Variants in MORC1 observed in about 807,000 individuals in gnomAD.
The protein encoded by MORC1 is MORC family CW-type zinc finger protein 1.
A neutral mutation model predicts 134.9 loss-of-function variants in MORC1; 59 were observed. The ratio of observed to expected loss-of-function variants is 0.44; its 90% CI spans 0.35 to 0.54. The LOEUF (loss-of-function observed/expected upper bound fraction) is 0.54. Ranked by LOEUF, MORC1 falls within the 20% of genes least tolerant of loss-of-function variation. The probability of loss-of-function intolerance (pLI) is 0.00; values close to 1 mark genes in which losing one functional copy is unlikely to be tolerated. For synonymous variants in MORC1, 395 were observed against 391.7 expected (o/e 1.01, Z -0.10); for missense variants, 947 against 1,134.5 (o/e 0.83, Z 2.37).
At position 109,095,035 on chromosome 3, in the gene MORC1, T is replaced by C. The variant is rs35282274; in HGVS notation, c.457A>G (p.Thr153Ala). The C allele has an allele frequency of 1.3e-6, 2 of 1,592,092 alleles. No individual in the cohort carries two copies. The highest frequency in any genetic ancestry group is 2.3e-5 in the East Asian group (1 of 44,084). Residue 153 changes from threonine to alanine, a missense_variant, in exon 7 of 28, where the codon ACC (threonine) becomes GCC (alanine). Coordinates refer to ENST00000232603, the MANE Select transcript of MORC1 (RefSeq NM_014429.4). ...GGATCATCTGTGACAGATTCTCTGG[T>C]TCTTATTAACCATGAGGGCATTGGA... ...VVPMPSWLIR[T>A]RESVTDDPQK...
chr3:109,110,900 AT>A, intron 2 of MORC1, 117 bp from the exon 3 acceptor site: 1 of 702,224 alleles, frequency 1.4e-6, no homozygotes, highest in Non-Finnish European at 2.3e-6. Flanking sequence ...TTCAAAATCA[AT>A]TTCTAAAACG....
intron 26 of MORC1, among the ~76,000 whole-genome samples, chr3:108,965,165 A>G (rs917034175): frequency 6.6e-6 from 1 of 152,226 alleles, no homozygotes; most frequent in African/African-American, 2.4e-5. Context: ...AGAACTCCAG[A>G]ATTTTATAGC....
At chr3:109,047,455 AG>A (rs1949719448) in intron 14 of MORC1, among the ~76,000 whole-genome samples, 1 of 152,230 alleles carries the variant, frequency 6.6e-6, no homozygotes, top group South Asian at 2.1e-4. Flanking sequence ...ATGATAATAC[AG>A]GTACAGTCAG....
At chr3:108,996,286 G>GCGTGCACACACACACACACACA in intron 21 of MORC1, among the ~76,000 whole-genome samples, 1 of 146,382 alleles carries the variant, frequency 6.8e-6, no homozygotes, top group African/African-American at 2.6e-5. Flanking sequence ...GCGCGCGCGC[G>GCGTGCACACACACACACACACA]CACACACACA....
At chr3:109,062,555 G>A (rs1950107204) in intron 10 of MORC1, among the ~76,000 whole-genome samples, 1 of 151,574 alleles carries the variant, frequency 6.6e-6, no homozygotes, top group Non-Finnish European at 1.5e-5. Context: ...TGAGTAGCTG[G>A]GACTACAGGC....
intron 1 of MORC1, among the ~76,000 whole-genome samples, chr3:109,115,946 G>A (rs1449672156): frequency 6.6e-6 from 1 of 152,100 alleles, no homozygotes; most frequent in South Asian, 2.1e-4. Context: ...TTTAAACTGA[G>A]TCCTGAAGGA....
chr3:109,096,097 T>C (rs745414678), intron 6 of MORC1, among the ~76,000 whole-genome samples: 1 of 152,136 alleles, frequency 6.6e-6, no homozygotes, highest in Non-Finnish European at 1.5e-5. Context: ...TTCAGAGTTA[T>C]AAGAGAAAAT....
chr3:109,090,636 A>C (rs191994413), intron 8 of MORC1, among the ~76,000 whole-genome samples: 3,551 of 151,276 alleles, frequency 0.023, 70 homozygotes, highest in Non-Finnish European at 0.038. Context: ...AAAAAAAAAA[A>C]AAAAAACACG....
intron 25 of MORC1, 77 bp downstream of exon 25, chr3:108,971,253 A>C: frequency 7.4e-7 from 1 of 1,345,748 alleles, no homozygotes; most frequent in Non-Finnish European, 1.1e-6. Flanking sequence ...CTCTTATTGG[A>C]AACACTTTAC....
At chr3:109,115,948 C>T (rs1951263521) in intron 1 of MORC1, among the ~76,000 whole-genome samples, 1 of 151,964 alleles carries the variant, frequency 6.6e-6, no homozygotes, top group South Asian at 2.1e-4. Flanking sequence ...TAAACTGAGT[C>T]CTGAAGGATG....
intron 8 of MORC1, among the ~76,000 whole-genome samples, chr3:109,079,969 A>G (rs1462109647): frequency 6.6e-6 from 1 of 152,196 alleles, no homozygotes; most frequent in Non-Finnish European, 1.5e-5. Context: ...AGTACATATT[A>G]TGTGTCAGGT....
At position 109,005,216 on chromosome 3, in the gene MORC1, T is replaced by TTTTCTGTCC. The variant is rs1455762828; in HGVS notation, c.1858_1866dup (p.Gly620_Lys622dup). The TTTTCTGTCC allele has an allele frequency of 6.2e-7, 1 of 1,614,046 alleles. No individual in the cohort carries two copies. The highest frequency in any genetic ancestry group is 2.2e-5 in the East Asian group (1 of 44,866). On this transcript the variant is annotated inframe_insertion, in exon 19 of 28. Transcript: ENST00000232603. ...TCAGAGTCTGTCTCTTCTATGTTTC[T>TTTTCTGTCC]TTTCTGTCCTCTACGGCTCGCTGAA...
chr3:109,008,922 G>A (rs1050961467), intron 17 of MORC1, among the ~76,000 whole-genome samples: 2 of 152,050 alleles, frequency 1.3e-5, no homozygotes, highest in African/African-American at 2.4e-5. Context: ...TTACAGTTGA[G>A]GCAAACGTCA....
intron 8 of MORC1, among the ~76,000 whole-genome samples, chr3:109,084,044 G>C (rs1383458521): frequency 1.3e-5 from 2 of 152,080 alleles, no homozygotes; most frequent in African/African-American, 4.8e-5. Context: ...TAAACACATA[G>C]TTAACATTAT....
intron 15 of MORC1, among the ~76,000 whole-genome samples, chr3:109,033,982 C>T (rs1458655384): frequency 6.6e-6 from 1 of 152,178 alleles, no homozygotes; most frequent in East Asian, 1.9e-4. Flanking sequence ...ATCAAAATCA[C>T]AGTAACTGTT....
At chr3:109,039,011 G>A (rs62272156) in intron 14 of MORC1, among the ~76,000 whole-genome samples, 39,226 of 151,966 alleles carry the variant, frequency 0.26, 5,277 homozygotes, top group Middle Eastern at 0.43. Context: ...CTGCCTCCTG[G>A]GTTCAAGCAA....
chr3:109,075,489 A>T (rs1006889976), intron 8 of MORC1, among the ~76,000 whole-genome samples: 7 of 152,284 alleles, frequency 4.6e-5, no homozygotes, highest in African/African-American at 1.7e-4. Context: ...GGTGTAAGAA[A>T]GGGGTCCAGT....
At chr3:109,098,804 T>C (rs78361570) in intron 6 of MORC1, among the ~76,000 whole-genome samples, 1 of 152,176 alleles carries the variant, frequency 6.6e-6, no homozygotes. Context: ...TCTACCTTCA[T>C]AGAGTCTATC....
At chr3:109,098,246 T>C (rs1950864089) in intron 6 of MORC1, among the ~76,000 whole-genome samples, 1 of 152,102 alleles carries the variant, frequency 6.6e-6, no homozygotes, top group Admixed American at 6.5e-5. Flanking sequence ...AGGTTGTCTC[T>C]GTGGAAGTAG....
Sources: gnomAD v4.1 joint callset for allele counts (sites outside exome capture counted in the v4.1 genomes callset) on GRCh38, gnomAD v4.1.1 for gene constraint, MANE v1.5 for transcripts, NCBI Gene and HGNC (gene_info 2026-07-23, HGNC 2026-07-21) for gene names.